ZNF91: variants seen among roughly 807,000 people sequenced by gnomAD.
ZNF91 encodes the protein zinc finger protein 91 (HPF7, HTF10).
A neutral mutation model predicts 12.6 loss-of-function variants in ZNF91; 7 were observed. The ratio of observed to expected loss-of-function variants is 0.55; its 90% CI spans 0.31 to 1.04. The LOEUF (loss-of-function observed/expected upper bound fraction) is 1.04. ZNF91 is among the 50% of genes least tolerant of loss of function. ZNF91 has a pLI of 0.05. For synonymous variants in ZNF91, 453 were observed against 462.6 expected (o/e 0.98, Z 0.27); for missense variants, 1,217 against 1,385.4 (o/e 0.88, Z 1.93).
chr19:23,316,166 A>ATTTT, intron 1 of ZNF91, among the ~76,000 whole-genome samples: 1 of 137,742 alleles, frequency 7.3e-6, no homozygotes, highest in Non-Finnish European at 1.6e-5. Flanking sequence ...AGGTGAGGTG[A>ATTTT]TTTTTTTTTT....
downstream of ZNF91, among the ~76,000 whole-genome samples, chr19:23,356,279 G>C (rs1968483778): frequency 6.6e-6 from 1 of 151,994 alleles, no homozygotes; most frequent in African/African-American, 2.4e-5. Context: ...AAATGCCCAG[G>C]AATTAACGCG....
intron 3 of ZNF91, among the ~76,000 whole-genome samples, chr19:23,365,654 A>G (rs1968973881): frequency 1.3e-5 from 2 of 152,034 alleles, no homozygotes; most frequent in South Asian, 4.2e-4. Context: ...AGTGAAGGGA[A>G]GGTCAGCAGA....
Position 23,360,236 on chromosome 19 carries a change from A to G in ZNF91, c.2743T>C (p.Cys915Arg). 6.2e-7 allele frequency: 1 copy of G among 1,614,022 alleles called. No homozygotes were observed. The highest frequency in any genetic ancestry group is 2.2e-5 in the East Asian group (1 of 44,850). Residue 915 changes from cysteine to arginine, a missense_variant, in exon 4 of 4, where the codon TGT becomes CGT. By Grantham distance (180) the Cys-to-Arg change is radical (BLOSUM62 -3). Transcript: ENST00000300619. Reference sequence around the variant, plus strand: ...GAAGGCTGGCTAAATGCTTTGCCACATTCTTCACATTTGTAGGTTTTCTCT... The same window carrying G: ...GAAGGCTGGCTAAATGCTTTGCCACGTTCTTCACATTTGTAGGTTTTCTCT... ...TREKTYKCEE[C>R]GKAFSQPSHL...
rs1599724982 is a variant in ZNF91 at position 23,361,829 on chromosome 19, C to T, written c.1150G>A (p.Asp384Asn). 13 of 1,607,286 alleles carry T rather than the reference C, an allele frequency of 8.1e-6. No homozygotes were observed. The highest frequency in any genetic ancestry group is 6.7e-5 in the African/African-American group (5 of 74,498). Residue 384 changes from aspartate to asparagine, a missense_variant, in exon 4 of 4, where the codon GAC becomes AAC. By Grantham distance (23) the Asp-to-Asn change is conservative. Transcript: ENST00000300619. ...GTTGAGAGTCGCTTAAAAGCTTTGT[C>T]ACATTCTTTACATTTGTAGGGTTTC... ...EEKPYKCKEC[D>N]KAFKRLSTLT...
chr19:23,384,829 T>C, intron 1 of ZNF91: 1 of 711,256 alleles, frequency 1.4e-6, no homozygotes, highest in Non-Finnish European at 2.6e-6. Context: ...AACACCCTCC[T>C]CAGTGGTCAA....
chr19:23,377,889 C>G (rs1270520362), intron 1 of ZNF91, among the ~76,000 whole-genome samples: 3 of 152,110 alleles, frequency 2.0e-5, no homozygotes, highest in Non-Finnish European at 2.9e-5. Flanking sequence ...TGAGTTGATA[C>G]TAAGTGTTGA....
intron 3 of ZNF91, among the ~76,000 whole-genome samples, chr19:23,364,976 T>C (rs1225267621): frequency 6.6e-6 from 1 of 152,100 alleles, no homozygotes; most frequent in African/African-American, 2.4e-5. Context: ...AGATGTGTAG[T>C]GGCATACCCT....
At chr19:23,378,003 A>G (rs1041774805) in intron 1 of ZNF91, among the ~76,000 whole-genome samples, 27 of 152,184 alleles carry the variant, frequency 1.8e-4, no homozygotes, top group African/African-American at 6.3e-4. Context: ...CTAAATATAG[A>G]CAGATGAGAG....
intron 1 of ZNF91, among the ~76,000 whole-genome samples, chr19:23,384,104 A>G (rs149551744): frequency 0.028 from 4,213 of 152,240 alleles, 88 homozygotes; most frequent in Non-Finnish European, 0.04. Context: ...GCAAAACTCC[A>G]TCTAAAAAAA....
chr19:23,337,366 A>G (rs1402517537), downstream of ZNF91, among the ~76,000 whole-genome samples: 1 of 151,862 alleles, frequency 6.6e-6, no homozygotes. Flanking sequence ...GTGTATATAT[A>G]TATATTTGTT....
chr19:23,365,658 C>A (rs1006810618), intron 3 of ZNF91, among the ~76,000 whole-genome samples: 10 of 151,260 alleles, frequency 6.6e-5, no homozygotes, highest in Non-Finnish European at 1.2e-4. Context: ...AAGGGAAGGT[C>A]AGCAGATAAA....
chr19:23,323,530 TCC>T (rs907213499), intron 1 of ZNF91, among the ~76,000 whole-genome samples: 16 of 142,846 alleles, frequency 1.1e-4, no homozygotes, highest in Admixed American at 4.8e-4. Flanking sequence ...ACTCTTCTCC[TCC>T]TTTTCCTTTT....
In ZNF91 at chr19:23,374,852, A is replaced by G. The variant is rs1845774750; in HGVS notation, c.31-88T>C. On this transcript the variant is annotated intron_variant, in intron 1 of 3. Transcript: ENST00000300619. ...CTCAAGGTAAAATCAGAAAGTGACT[A>G]GAACTGGTTCTGACTTATAAGAGTG... The G allele has an allele frequency of 1.9e-6, 3 of 1,571,528 alleles. No homozygotes were observed. In the South Asian group the frequency reaches 3.4e-5, roughly 18 times the overall value.
rs1968271688 is a variant in ZNF91 at position 23,347,971 on chromosome 19, C to T, written c.254-8917G>A. On this transcript the variant is annotated intron_variant, in intron 3 of 3. Coordinates refer to the ZNF91 transcript ENST00000599743. ...CAAATGTCATCACACAAACTCTCAA[C>T]ATGCATATAATTCCCAATTTTGGAC... is the stretch of plus-strand genomic sequence containing the variant. 3.3e-5 allele frequency among the ~76,000 whole-genome samples: 5 copies of T among 152,354 alleles called. No homozygotes were observed. The South Asian group carries it at 1.0e-3, about 32-fold the overall frequency.
At chr19:23,349,143 CT>C (rs1174159536) in intron 3 of ZNF91, among the ~76,000 whole-genome samples, 1 of 152,146 alleles carries the variant, frequency 6.6e-6, no homozygotes, top group African/African-American at 2.4e-5. Context: ...TTGCCCTTGC[CT>C]TGTGATCCTG....
At position 23,360,912 on chromosome 19, in the gene ZNF91, T is replaced by C; in HGVS notation, c.2067A>G (p.Lys689=). The C allele has an allele frequency of 3.7e-6, 6 of 1,613,812 alleles. No individual in the cohort carries two copies. Among genetic ancestry groups the C allele is most frequent in the Non-Finnish European group, 4.2e-6 (5 of 1,179,808 alleles). Residue 689 remains lysine (K), a synonymous_variant, in exon 4 of 4, where the codon AAA becomes AAG. Transcript: ENST00000300619. ...THTEEKPYKC[K]ECDKTFKRLS... ...GTCGCTTAAAAGTTTTGTCACATTCTTTACATTTGTAGGGTTTCTCTTCAG... is the reference window on the plus strand; with the variant it reads ...GTCGCTTAAAAGTTTTGTCACATTCCTTACATTTGTAGGGTTTCTCTTCAG...
At chr19:23,368,098 C>A (rs931368081) in intron 3 of ZNF91, among the ~76,000 whole-genome samples, 12 of 151,956 alleles carry the variant, frequency 7.9e-5, no homozygotes, top group Admixed American at 6.6e-4. Flanking sequence ...TTAGTAGAGA[C>A]AGGGTTTCAC....
At chr19:23,331,381 A>G (rs1226181438) in intron 1 of ZNF91, among the ~76,000 whole-genome samples, 1 of 152,196 alleles carries the variant, frequency 6.6e-6, no homozygotes, top group Non-Finnish European at 1.5e-5. Context: ...ATATCTGGTA[A>G]TACAGGCCAT....
intron 1 of ZNF91, chr19:23,326,064 T>G (rs901500507): frequency 2.0e-5 from 3 of 152,172 alleles, no homozygotes; most frequent in Non-Finnish European, 4.4e-5. Flanking sequence ...GTTGCACGGG[T>G]TGTTCTTTTT....
Sources: gnomAD v4.1 joint callset for allele counts (sites outside exome capture counted in the v4.1 genomes callset) on GRCh38, gnomAD v4.1.1 for gene constraint, MANE v1.5 for transcripts, NCBI Gene and HGNC (gene_info 2026-07-23, HGNC 2026-07-21) for gene names.